TRMT11: variants seen among roughly 807,000 people sequenced by gnomAD.
The protein encoded by TRMT11 is tRNA methyltransferase 11.
A neutral mutation model predicts 62.8 loss-of-function variants in TRMT11; 53 were observed. The ratio of observed to expected loss-of-function variants is 0.84; its 90% CI spans 0.68 to 1.06. The LOEUF is 1.06. TRMT11 is among the 50% of genes least tolerant of loss of function. The pLI is 0.00. For missense variants in TRMT11, 556 were observed against 553.4 expected (o/e 1.00, Z -0.05); for synonymous variants, 188 against 190.3 (o/e 0.99, Z 0.10).
At chr6:126,038,437 CAAAAAAAA>C (rs72178194) in intron 12 of TRMT11, among the ~76,000 whole-genome samples, 1 of 129,262 alleles carries the variant, frequency 7.7e-6, no homozygotes, top group Non-Finnish European at 1.7e-5. Flanking sequence ...TGCCCTGAGG[CAAAAAAAA>C]AAAAAAAAGA....
intron 11 of TRMT11, among the ~76,000 whole-genome samples, chr6:126,017,682 T>C (rs1795184520): frequency 6.6e-6 from 1 of 152,250 alleles, no homozygotes. Flanking sequence ...CTTTCTCAGA[T>C]ACTTCTCAGC....
chr6:126,166,197 A>G (rs941295982), intron 21 of TRMT11, among the ~76,000 whole-genome samples: 1 of 151,940 alleles, frequency 6.6e-6, no homozygotes, highest in African/African-American at 2.4e-5. Flanking sequence ...CCTTTTATCA[A>G]GGTTCTTAGC....
chr6:126,083,851 A>G (rs901035102), intron 17 of TRMT11, among the ~76,000 whole-genome samples: 9 of 152,154 alleles, frequency 5.9e-5, no homozygotes, highest in South Asian at 2.1e-4. Context: ...TATTGCACAT[A>G]TAAGAGAAAT....
intron 1 of TRMT11, among the ~76,000 whole-genome samples, chr6:125,992,543 A>G (rs1000167743): frequency 3.9e-5 from 6 of 152,146 alleles, no homozygotes; most frequent in African/African-American, 1.4e-4. Flanking sequence ...CATCATTTTG[A>G]TTCCCTTAAT....
intron 17 of TRMT11, among the ~76,000 whole-genome samples, chr6:126,094,040 T>C (rs979441752): frequency 6.6e-6 from 1 of 151,976 alleles, no homozygotes; most frequent in Non-Finnish European, 1.5e-5. Context: ...TCTTGAGCAG[T>C]TGGTCCTTAA....
rs371609690 is a variant in TRMT11, at chr6:126,193,253, G to T, written n.144-5546G>T. 5.3e-5 allele frequency among the ~76,000 whole-genome samples: 8 copies of T among 151,716 alleles called. No homozygotes were observed. The East Asian group carries it at 7.7e-4, about 15-fold the overall frequency. ...TCTAATGATCCTTTGTATTTCTATGGTAACTGTTGTAATGTTTCCTTTTTC... is the reference window on the plus strand; with the variant it reads ...TCTAATGATCCTTTGTATTTCTATGTTAACTGTTGTAATGTTTCCTTTTTC... On this transcript the variant is annotated intron_variant and non_coding_transcript_variant, in intron 1 of 3. Transcript: ENST00000444229.
chr6:126,219,648 T>C, the TRMT11 span, among the ~76,000 whole-genome samples: 2 of 152,228 alleles, frequency 1.3e-5, no homozygotes, highest in East Asian at 1.9e-4. Context: ...ATCTATCCCT[T>C]AGGGATTCCA....
Position 125,998,033 on chromosome 6 carries a change from A to G in TRMT11, c.213-20A>G, listed in dbSNP as rs1468449834. The G allele has an allele frequency of 3.2e-6, 5 of 1,551,094 alleles. No homozygotes were observed. The highest frequency in any genetic ancestry group is 1.7e-5 in the Admixed American group (1 of 59,932). On this transcript the variant is annotated intron_variant, in intron 3 of 12. Transcript: ENST00000334379. ...AACTAAGTTCTTTACTGAGGTTAGT[A>G]CCAATCATTTATTTCCTAGGTCTAT...
chr6:126,153,426 G>A (rs1362821311), intron 21 of TRMT11, among the ~76,000 whole-genome samples: 2 of 152,148 alleles, frequency 1.3e-5, no homozygotes, highest in Non-Finnish European at 2.9e-5. Context: ...TTTAACCTGA[G>A]ACATTTAATT....
chr6:126,262,495 C>T, the TRMT11 span, among the ~76,000 whole-genome samples: 1 of 152,098 alleles, frequency 6.6e-6, no homozygotes, highest in African/African-American at 2.4e-5. Flanking sequence ...ATCATGGAGC[C>T]TCAGGGATGG....
chr6:126,233,404 C>G, the TRMT11 span, among the ~76,000 whole-genome samples: 2 of 152,086 alleles, frequency 1.3e-5, no homozygotes, highest in African/African-American at 4.8e-5. Context: ...AGGGTGTTGC[C>G]GCATTTACAT....
At position 126,093,624 on chromosome 6, in the gene TRMT11, T is replaced by C. The variant is rs1267216548; in HGVS notation, c.*1438-19242T>C. Among the ~76,000 whole-genome samples, 271 of 107,470 alleles carry C rather than the reference T, an allele frequency of 2.5e-3. 38 individuals carry two copies. Among genetic ancestry groups the C allele is most frequent in the African/African-American group, 0.011 (259 of 23,214 alleles). 70.5% of individuals were successfully genotyped at this position (107,470 alleles called of 152,430 possible). On this transcript the variant is annotated intron_variant and NMD_transcript_variant, in intron 17 of 22. Coordinates refer to the TRMT11 transcript ENST00000648977. The stretch of plus-strand genomic sequence containing the variant: ...ATATATATATATATATATATATATA[T>C]ATATATATTTTCCCCCAGTCCTGGA...
chr6:126,216,690 G>A, the TRMT11 span, among the ~76,000 whole-genome samples: 1 of 151,990 alleles, frequency 6.6e-6, no homozygotes. Context: ...TGACCTTTGT[G>A]AGTTTAATTA....
intron 7 of TRMT11, among the ~76,000 whole-genome samples, chr6:126,000,646 A>C (rs1276960964): frequency 6.6e-6 from 1 of 152,112 alleles, no homozygotes; most frequent in Non-Finnish European, 1.5e-5. Flanking sequence ...TCTGCCAACC[A>C]GCTATTACAC....
chr6:126,014,229 ATATTTG>A (rs1054613612), intron 11 of TRMT11, among the ~76,000 whole-genome samples: 3 of 152,024 alleles, frequency 2.0e-5, no homozygotes, highest in African/African-American at 4.8e-5. Context: ...TTTAATTCCT[ATATTTG>A]TATTTGTATT....
At chr6:126,212,231 T>C in the TRMT11 span, among the ~76,000 whole-genome samples, 4 of 152,352 alleles carry the variant, frequency 2.6e-5, no homozygotes, top group East Asian at 5.8e-4. Context: ...GCAATATGCA[T>C]GGGAGTGCAG....
rs1304622299 is a variant in TRMT11, at chr6:125,986,642, C to T, written c.72+20C>T. 3 of 1,568,730 alleles carry T rather than the reference C, an allele frequency of 1.9e-6. No individual in the cohort carries two copies. Among genetic ancestry groups the T allele is most frequent in the African/African-American group, 1.3e-5 (1 of 74,368 alleles). ...CTGCCGGTGAGTCCGTAGCGCCCTC[C>T]GGAACTTCCGACGGAAGAGGACGCT... On this transcript the variant is annotated intron_variant, in intron 1 of 12. Coordinates refer to ENST00000334379, the MANE Select transcript of TRMT11 (RefSeq NM_001031712.3).
the TRMT11 span, among the ~76,000 whole-genome samples, chr6:126,214,487 A>T: frequency 1.3e-5 from 2 of 151,882 alleles, no homozygotes; most frequent in Admixed American, 6.6e-5. Context: ...CTAGCACTTT[A>T]TTCATTTCTT....
chr6:126,109,245 G>A (rs1168616839), intron 17 of TRMT11, among the ~76,000 whole-genome samples: 1 of 152,116 alleles, frequency 6.6e-6, no homozygotes, highest in East Asian at 1.9e-4. Flanking sequence ...CCAATGAAAA[G>A]GTTTTGGGAG....
Sources: gnomAD v4.1 joint callset for allele counts (sites outside exome capture counted in the v4.1 genomes callset) on GRCh38, gnomAD v4.1.1 for gene constraint, MANE v1.5 for transcripts, NCBI Gene and HGNC (gene_info 2026-07-23, HGNC 2026-07-21) for gene names.